The following KCNU1 variants were observed in gnomAD, a reference collection of about 807,000 sequenced individuals.
The protein encoded by KCNU1 is potassium channel subfamily U member 1.
A neutral mutation model predicts 126.8 loss-of-function variants in KCNU1; 93 were observed. The observed-to-expected ratio is 0.73, with a 90% CI of 0.62 to 0.87. The LOEUF is 0.87. KCNU1 is among the 40% of genes least tolerant of loss of function. The pLI is 0.00. For missense variants in KCNU1, 1,330 were observed against 1,367.1 expected (o/e 0.97, Z 0.43); for synonymous variants, 523 against 494.2 (o/e 1.06, Z -0.77).
intron 10 of KCNU1, among the ~76,000 whole-genome samples, chr8:36,818,707 T>C (rs918016821): frequency 1.3e-5 from 2 of 152,220 alleles, no homozygotes; most frequent in African/African-American, 4.8e-5. Flanking sequence ...TACGTAGGAT[T>C]GTATGTAGCA....
At chr8:36,814,144 T>G in intron 7 of KCNU1, 63 bp from the exon 8 acceptor site, 1 of 1,297,476 alleles carries the variant, frequency 7.7e-7, no homozygotes, top group East Asian at 2.3e-5. Context: ...GTTTTGCCTA[T>G]TCTTTAAAAA....
intron 9 of KCNU1, among the ~76,000 whole-genome samples, 176 bp from the exon 10 acceptor site, chr8:36,817,474 G>A (rs934943557): frequency 1.5e-5 from 2 of 136,004 alleles, no homozygotes; most frequent in African/African-American, 2.9e-5. Flanking sequence ...ACTCCAGCCT[G>A]GGCAGCAAGA....
At chr8:36,878,644 G>A (rs1806356756) in intron 19 of KCNU1, among the ~76,000 whole-genome samples, 1 of 151,964 alleles carries the variant, frequency 6.6e-6, no homozygotes, top group African/African-American at 2.4e-5. Flanking sequence ...AAGAAGTAAA[G>A]GAGTGCAGAT....
intron 18 of KCNU1, among the ~76,000 whole-genome samples, chr8:36,852,062 A>G (rs1261465722): frequency 6.6e-6 from 1 of 151,854 alleles, no homozygotes; most frequent in African/African-American, 2.4e-5. Flanking sequence ...CTATTCCTAT[A>G]TTGTCAAGGT....
chr8:36,879,236 T>C (rs894806951), intron 19 of KCNU1, among the ~76,000 whole-genome samples: 1 of 143,574 alleles, frequency 7.0e-6, no homozygotes, highest in Non-Finnish European at 1.5e-5. Context: ...TATATATATA[T>C]ATACACACAC....
At position 36,925,068 on chromosome 8, in the gene KCNU1, C is replaced by T. The variant is rs574496620; in HGVS notation, c.2736+2439C>T. Reference sequence around the variant, plus strand: ...CTCAGCACCTGATCATGACATTGGCCTTGGGTGGTCTAAAGAGTGCAGGTT... The same window carrying T: ...CTCAGCACCTGATCATGACATTGGCTTTGGGTGGTCTAAAGAGTGCAGGTT... On this transcript the variant is annotated intron_variant, in intron 24 of 26. Coordinates refer to ENST00000399881, the MANE Select transcript of KCNU1 (RefSeq NM_001031836.3). Among the ~76,000 whole-genome samples the T allele has an allele frequency of 2.0e-5, 3 of 152,224 alleles. No homozygotes were observed. The South Asian group carries it at 6.2e-4, about 32-fold the overall frequency.
chr8:36,834,041 A>G (rs558710072), intron 11 of KCNU1, among the ~76,000 whole-genome samples: 3 of 152,324 alleles, frequency 2.0e-5, no homozygotes, highest in Non-Finnish European at 4.4e-5. Context: ...GCTTTAATCA[A>G]CTTCTCCTCC....
intron 2 of KCNU1, among the ~76,000 whole-genome samples, chr8:36,803,714 T>G (rs1423131221): frequency 6.6e-6 from 1 of 152,188 alleles, no homozygotes; most frequent in African/African-American, 2.4e-5. Flanking sequence ...GGAAAGGACA[T>G]CTTGAGATCA....
chr8:36,915,300 G>T (rs1808055969), intron 22 of KCNU1, among the ~76,000 whole-genome samples: 1 of 152,222 alleles, frequency 6.6e-6, no homozygotes, highest in South Asian at 2.1e-4. Flanking sequence ...TAGGTACCCT[G>T]AAAAGGGTAT....
intron 22 of KCNU1, among the ~76,000 whole-genome samples, chr8:36,914,295 C>A (rs566919436): frequency 1.3e-5 from 2 of 152,200 alleles, no homozygotes; most frequent in Admixed American, 1.3e-4. Context: ...CTCCTGAGGT[C>A]ACCTTATGAT....
intron 7 of KCNU1, among the ~76,000 whole-genome samples, chr8:36,813,997 G>T (rs1803817629): frequency 6.6e-6 from 1 of 152,102 alleles, no homozygotes; most frequent in African/African-American, 2.4e-5. Flanking sequence ...TTTCGGCAAT[G>T]ATCACGATTA....
chr8:36,903,911 C>T (rs1236825612), intron 19 of KCNU1, among the ~76,000 whole-genome samples: 2 of 152,110 alleles, frequency 1.3e-5, no homozygotes, highest in African/African-American at 4.8e-5. Flanking sequence ...AGAACTCACT[C>T]ACTATCACCA....
intron 19 of KCNU1, among the ~76,000 whole-genome samples, chr8:36,898,207 A>G (rs1184208462): frequency 6.6e-6 from 1 of 152,072 alleles, no homozygotes; most frequent in East Asian, 1.9e-4. Context: ...ATAACTTCCT[A>G]TTTCTAGAGA....
At chr8:36,929,107 C>A in intron 24 of KCNU1, 1 of 659,276 alleles carries the variant, frequency 1.5e-6, no homozygotes, top group Non-Finnish European at 2.7e-6. Context: ...ATCAGCCAGA[C>A]ACAGTGGCTC....
rs899959257 is a variant in KCNU1, at chr8:36,905,796, G to A, written c.2098G>A (p.Val700Met). 1 of 1,517,500 alleles carries A rather than the reference G, an allele frequency of 6.6e-7. No homozygotes were observed. The highest frequency in any genetic ancestry group is 9.0e-7 in the Non-Finnish European group (1 of 1,106,826). 94.0% of individuals were successfully genotyped at this position (1,517,500 alleles called of 1,614,324 possible). A position where few individuals can be genotyped will look rare whatever the true frequency, so the allele number is the denominator to read the frequency against. ...GTGCAAACCAACCTCTTTGGACAAG[G>A]TGACTCTGGTAGGTGATCTTGCATC... ...HWCKPTSLDK[V>M]TLKRTGKSKY... The change falls in exon 20 of 27, where the codon GTG (valine) becomes ATG (methionine). Residue 700 changes from valine (V) to methionine (M), a missense_variant. Val to Met is a conservative substitution (Grantham distance 21, BLOSUM62 1). Around this residue, in one of 3 missense-constraint regions of KCNU1, gnomAD observed 1,054 missense variants for 1,053.9 expected, o/e 1.00. Coordinates refer to ENST00000399881, the MANE Select transcript of KCNU1 (RefSeq NM_001031836.3).
At chr8:36,858,781 C>A (rs1403616779) in intron 18 of KCNU1, among the ~76,000 whole-genome samples, 1 of 152,086 alleles carries the variant, frequency 6.6e-6, no homozygotes, top group African/African-American at 2.4e-5. Flanking sequence ...TGTAGACATG[C>A]CAAATTTTAC....
intron 18 of KCNU1, among the ~76,000 whole-genome samples, chr8:36,849,144 A>G (rs1805254021): frequency 6.6e-6 from 1 of 152,062 alleles, no homozygotes; most frequent in South Asian, 2.1e-4. Flanking sequence ...AGCCCTGGAA[A>G]CCACTAGTCT....
chr8:36,890,213 A>C (rs763627530), intron 19 of KCNU1, among the ~76,000 whole-genome samples: 2 of 152,128 alleles, frequency 1.3e-5, no homozygotes, highest in African/African-American at 2.4e-5. Context: ...ACTGAGATCT[A>C]TATAAAGAAT....
intron 19 of KCNU1, 43 bp from the exon 20 acceptor site, chr8:36,905,665 G>T (rs1352494223): frequency 1.9e-6 from 2 of 1,040,702 alleles, no homozygotes; most frequent in East Asian, 2.4e-5. Flanking sequence ...TTACAGAGGA[G>T]CTCCAAATAG....
Sources: gnomAD v4.1 joint callset for allele counts (sites outside exome capture counted in the v4.1 genomes callset) on GRCh38, gnomAD v4.1.1 for gene constraint, gnomAD v4.1.1 regional missense constraint, MANE v1.5 for transcripts, NCBI Gene and HGNC (gene_info 2026-07-23, HGNC 2026-07-21) for gene names.